Variants in CNTNAP2 observed in about 807,000 individuals in gnomAD.
The protein encoded by CNTNAP2 is contactin associated protein 2.
CNTNAP2 carries 98 observed loss-of-function variants against 155.2 expected under a neutral mutation model. The observed-to-expected ratio is 0.63, with a 90% CI of 0.54 to 0.75. The LOEUF (loss-of-function observed/expected upper bound fraction) is 0.75. Among genes scored for constraint, CNTNAP2 ranks in the 30% least tolerant of loss-of-function variants. CNTNAP2 has a pLI of 0.00. For missense variants in CNTNAP2, 1,727 were observed against 1,688.1 expected, an observed-to-expected ratio of 1.02 and a Z score of -0.40; for synonymous variants, 651 against 631.2, an observed-to-expected ratio of 1.03 and a Z score of -0.47.
At chr7:146,503,855 G>A (rs137877054) in intron 1 of CNTNAP2, among the ~76,000 whole-genome samples, 1 of 152,234 alleles carries the variant, frequency 6.6e-6, no homozygotes, top group Non-Finnish European at 1.5e-5. Flanking sequence ...ACCTGAGCTG[G>A]GGTCTGAGGG....
At chr7:148,350,895 C>T (rs62470632) in intron 21 of CNTNAP2, among the ~76,000 whole-genome samples, 16,133 of 152,082 alleles carry the variant, frequency 0.11, 1,206 homozygotes, top group South Asian at 0.28. Flanking sequence ...GATCCAAGAA[C>T]CAAAAAAAGA....
At chr7:146,758,934 T>A (rs1802037899) in intron 1 of CNTNAP2, among the ~76,000 whole-genome samples, 2 of 152,192 alleles carry the variant, frequency 1.3e-5, no homozygotes, top group Admixed American at 1.3e-4. Flanking sequence ...AACCTCCTAC[T>A]GAGAAGCACT....
chr7:148,197,239 T>C (rs960652853), intron 18 of CNTNAP2, among the ~76,000 whole-genome samples: 2 of 152,230 alleles, frequency 1.3e-5, no homozygotes, highest in African/African-American at 4.8e-5. Context: ...ATCTTTTATT[T>C]TGAAATTTAT....
Position 146,266,457 on chromosome 7 carries a change from C to G in CNTNAP2, c.97+149484C>G, listed in dbSNP as rs188892248. Among the ~76,000 whole-genome samples the G allele has an allele frequency of 2.1e-3, 319 of 152,258 alleles. 3 individuals carry two copies. The highest frequency in any genetic ancestry group is 0.014 in the Middle Eastern group (4 of 292). ...CTTCAACTAAAAACCTTGACAAGTA[C>G]AGTAGATAAGGCATGGTTTGGGATC... is the stretch of plus-strand genomic sequence containing the variant. On this transcript the variant is annotated intron_variant, in intron 1 of 23. Transcript: ENST00000361727.
intron 22 of CNTNAP2, among the ~76,000 whole-genome samples, chr7:148,398,890 CT>C (rs544110602): frequency 1.7e-3 from 256 of 152,310 alleles, no homozygotes; most frequent in African/African-American, 5.8e-3. Context: ...AGAGAATGTC[CT>C]TAAAAATATC....
At chr7:147,008,566 C>T (rs1260777627) in intron 3 of CNTNAP2, among the ~76,000 whole-genome samples, 4 of 151,900 alleles carry the variant, frequency 2.6e-5, no homozygotes, top group African/African-American at 4.8e-5. Context: ...ATAAAAAAAA[C>T]AGGAGTTTTT....
Position 146,752,145 on chromosome 7 carries a change from A to G in CNTNAP2, c.98-22126A>G, listed in dbSNP as rs190103667. ...TCATCCTTTGGGTACGTACCCAGTA[A>G]TGGGATTGCTGGGTCAAATGGTATT... On this transcript the variant is annotated intron_variant, in intron 1 of 23. Coordinates refer to ENST00000361727, the MANE Select transcript of CNTNAP2 (RefSeq NM_014141.6). 5.3e-5 allele frequency among the ~76,000 whole-genome samples: 8 copies of G among 152,216 alleles called. No homozygotes were observed. The South Asian group carries it at 8.3e-4, about 16-fold the overall frequency.
chr7:146,213,882 G>A (rs879433533), intron 1 of CNTNAP2, among the ~76,000 whole-genome samples: 1 of 151,954 alleles, frequency 6.6e-6, no homozygotes, highest in Admixed American at 6.6e-5. Context: ...TGAAATCCAT[G>A]GCATTAATTT....
At chr7:147,280,739 C>G (rs1805016423) in intron 8 of CNTNAP2, among the ~76,000 whole-genome samples, 1 of 151,756 alleles carries the variant, frequency 6.6e-6, no homozygotes, top group African/African-American at 2.4e-5. Context: ...AGAAATTGTT[C>G]TGATGTACTA....
intron 14 of CNTNAP2, among the ~76,000 whole-genome samples, chr7:147,956,952 T>C (rs894605174): frequency 1.3e-5 from 2 of 152,216 alleles, no homozygotes; most frequent in Admixed American, 6.5e-5. Context: ...ATGGTCTCCA[T>C]GTAACGCATA....
At chr7:147,231,917 A>T (rs1187960217) in intron 8 of CNTNAP2, among the ~76,000 whole-genome samples, 1 of 151,982 alleles carries the variant, frequency 6.6e-6, no homozygotes, top group African/African-American at 2.4e-5. Flanking sequence ...TTTGTTTGTG[A>T]TTTTTGCTGT....
intron 13 of CNTNAP2, among the ~76,000 whole-genome samples, chr7:147,756,476 G>A (rs1196796526): frequency 1.3e-5 from 2 of 152,156 alleles, no homozygotes; most frequent in Non-Finnish European, 2.9e-5. Context: ...TTGTCACTGT[G>A]CAGCTGGCAC....
chr7:148,295,561 G>C (rs1372431896), intron 21 of CNTNAP2, among the ~76,000 whole-genome samples: 2 of 144,258 alleles, frequency 1.4e-5, no homozygotes, highest in East Asian at 3.9e-4. Flanking sequence ...GCGCAGTCTC[G>C]GCTCACTGCA....
chr7:146,544,058 T>C (rs1563128042), intron 1 of CNTNAP2, among the ~76,000 whole-genome samples: 2 of 151,958 alleles, frequency 1.3e-5, no homozygotes, highest in African/African-American at 4.8e-5. Context: ...TTTTTCCTTC[T>C]CATAAAATTA....
chr7:147,629,405 A>AT (rs1795043509), intron 12 of CNTNAP2, among the ~76,000 whole-genome samples: 1 of 76,446 alleles, frequency 1.3e-5, no homozygotes, highest in African/African-American at 4.8e-5. Flanking sequence ...CTCTGTCTCA[A>AT]AAATAATAAT....
At chr7:146,526,851 T>A (rs1563120158) in intron 1 of CNTNAP2, among the ~76,000 whole-genome samples, 1 of 152,164 alleles carries the variant, frequency 6.6e-6, no homozygotes, top group Non-Finnish European at 1.5e-5. Flanking sequence ...ATACACAAAC[T>A]ACATGATAAA....
At chr7:146,826,876 A>AGG (rs1404749880) in intron 2 of CNTNAP2, among the ~76,000 whole-genome samples, 94 of 151,258 alleles carry the variant, frequency 6.2e-4, no homozygotes, top group African/African-American at 2.2e-3. Flanking sequence ...AGAGAGAGAG[A>AGG]GAGACTTGAG....
chr7:147,450,081 G>T (rs1247902026), intron 10 of CNTNAP2, among the ~76,000 whole-genome samples: 1 of 152,142 alleles, frequency 6.6e-6, no homozygotes, highest in East Asian at 1.9e-4. Flanking sequence ...TCACTCCCAT[G>T]ATCATGTTAT....
chr7:146,385,777 T>C (rs1795451551), intron 1 of CNTNAP2, among the ~76,000 whole-genome samples: 1 of 152,326 alleles, frequency 6.6e-6, no homozygotes, highest in Admixed American at 6.5e-5. Context: ...GTTGCAAAGA[T>C]ATATGTTTTA....
Sources: allele counts gnomAD v4.1 joint callset (sites outside exome capture counted in the v4.1 genomes callset), GRCh38; gene constraint gnomAD v4.1.1; transcripts MANE v1.5; gene names NCBI Gene and HGNC (gene_info 2026-07-23, HGNC 2026-07-21).